OGDH: variants seen among roughly 807,000 people sequenced by gnomAD.
OGDH encodes the protein 2-oxoglutarate dehydrogenase complex component E1.
A neutral mutation model predicts 116.6 loss-of-function variants in OGDH; 38 were observed. That is an observed-to-expected ratio of 0.33 (90% CI 0.25 to 0.43). The LOEUF is 0.43. OGDH is among the 20% of genes least tolerant of loss of function. OGDH has a pLI of 1.00. For synonymous variants in OGDH, 488 were observed against 533.3 expected, an observed-to-expected ratio of 0.92 and a Z score of 1.17; for missense variants, 825 against 1,357.2, an observed-to-expected ratio of 0.61 and a Z score of 6.16.
At chr7:44,660,924 A>G (rs1786908956) in intron 4 of OGDH, among the ~76,000 whole-genome samples, 1 of 150,872 alleles carries the variant, frequency 6.6e-6, no homozygotes, top group Admixed American at 6.6e-5. Flanking sequence ...TCTGTAAACT[A>G]CACACACACG....
chr7:44,673,664 G>T, intron 5 of OGDH, 123 bp from the exon 6 acceptor site: 4 of 922,326 alleles, frequency 4.3e-6, no homozygotes, highest in South Asian at 1.5e-5. Flanking sequence ...CACTTGATTG[G>T]AGTACATTTC....
At chr7:44,671,097 G>C (rs1044445015) in intron 5 of OGDH, among the ~76,000 whole-genome samples, 3 of 151,878 alleles carry the variant, frequency 2.0e-5, no homozygotes. Context: ...AAAGTATAAA[G>C]GAATATCTGA....
chr7:44,637,534 G>A lies in OGDH; in HGVS notation c.223-7793G>A, dbSNP rs552336267. Among the ~76,000 whole-genome samples, 4 of 152,330 alleles carry A rather than the reference G, an allele frequency of 2.6e-5. No individual in the cohort carries two copies. In the South Asian group the frequency reaches 8.3e-4, roughly 32 times the overall value. The stretch of plus-strand genomic sequence containing the variant: ...AGAAATAATGGTATTCATTGGCTCA[G>A]CATCGTGCCTCACACCTGTAATCCC... On this transcript the variant is annotated intron_variant, in intron 2 of 22. Coordinates refer to ENST00000222673, the MANE Select transcript of OGDH (RefSeq NM_002541.4).
intron 1 of OGDH, among the ~76,000 whole-genome samples, chr7:44,608,960 A>G (rs945351878): frequency 6.6e-6 from 1 of 152,206 alleles, no homozygotes. Flanking sequence ...AGATATTGAC[A>G]TTAATAAAAT....
At chr7:44,639,387 G>A (rs964776337) in intron 2 of OGDH, among the ~76,000 whole-genome samples, 3 of 152,154 alleles carry the variant, frequency 2.0e-5, no homozygotes, top group Admixed American at 6.5e-5. Flanking sequence ...ACAGGGAGGG[G>A]TGGGGCCAGT....
At chr7:44,668,448 A>AC (rs1387601394) in intron 5 of OGDH, among the ~76,000 whole-genome samples, 1 of 152,006 alleles carries the variant, frequency 6.6e-6, no homozygotes, top group East Asian at 1.9e-4. Flanking sequence ...AAACAAACAA[A>AC]AAAAAACTGA....
intron 10 of OGDH, among the ~76,000 whole-genome samples, chr7:44,690,127 G>A (rs1470986605): frequency 6.6e-6 from 1 of 152,230 alleles, no homozygotes; most frequent in Non-Finnish European, 1.5e-5. Context: ...GCATCTAATG[G>A]ACAGAGTTAG....
chr7:44,640,056 A>T (rs892449918), intron 2 of OGDH, among the ~76,000 whole-genome samples: 13 of 152,238 alleles, frequency 8.5e-5, no homozygotes, highest in African/African-American at 2.9e-4. Flanking sequence ...TCCAGGGCCT[A>T]GGCTGGAAGG....
intron 4 of OGDH, among the ~76,000 whole-genome samples, chr7:44,663,864 C>T (rs1787059421): frequency 6.6e-6 from 1 of 151,834 alleles, no homozygotes. Flanking sequence ...CACCTGAGCC[C>T]TGGAGGTTAA....
chr7:44,637,200 G>C (rs952410502), intron 2 of OGDH, among the ~76,000 whole-genome samples: 2 of 152,180 alleles, frequency 1.3e-5, no homozygotes, highest in Non-Finnish European at 2.9e-5. Context: ...AGGTGCTCCT[G>C]TTGTCTATTC....
chr7:44,694,043 T>C lies in OGDH; in HGVS notation c.1515+39T>C. The C allele has an allele frequency of 6.3e-7, 1 of 1,578,154 alleles. No individual in the cohort carries two copies. Among genetic ancestry groups the C allele is most frequent in the East Asian group, 2.3e-5 (1 of 44,158 alleles). On this transcript the variant is annotated intron_variant, in intron 11 of 22. Transcript: ENST00000222673. The surrounding 1 kb of genome is among the most constrained non-coding windows in gnomAD (Gnocchi z 4.2). The stretch of plus-strand genomic sequence containing the variant: ...GGGACAGCACGTCCTGGGCAGAGCA[T>C]CTGACCCACCCCTCTTGCCCTCGGC...
At chr7:44,677,606 C>T (rs945062464) in intron 9 of OGDH, among the ~76,000 whole-genome samples, 3 of 152,082 alleles carry the variant, frequency 2.0e-5, no homozygotes, top group Admixed American at 6.5e-5. Context: ...CGGTGGCTCA[C>T]GCCTGTAATC....
chr7:44,694,623 A>G lies in OGDH; in HGVS notation c.1668+47A>G. On this transcript the variant is annotated intron_variant, in intron 12 of 22. Coordinates refer to ENST00000222673, the MANE Select transcript of OGDH (RefSeq NM_002541.4). This position sits in a 1 kb window ranked among gnomAD's most constrained non-coding sequence, Gnocchi z 4.2. ...CCAGTGCGCCTTTCCAGGGCTGGCGATGACTAGAAAAGGTGGGCCACAGGG... is the reference window on the plus strand; with the variant it reads ...CCAGTGCGCCTTTCCAGGGCTGGCGGTGACTAGAAAAGGTGGGCCACAGGG... 1 of 1,603,204 alleles carries G rather than the reference A, an allele frequency of 6.2e-7. No homozygotes were observed. The highest frequency in any genetic ancestry group is 8.5e-7 in the Non-Finnish European group (1 of 1,171,138).
chr7:44,673,717 C>T, intron 5 of OGDH, 70 bp from the exon 6 acceptor site: 4 of 1,471,720 alleles, frequency 2.7e-6, no homozygotes, highest in Admixed American at 1.7e-5. Context: ...GCTGAATGGG[C>T]AGTCGGCAGT....
At position 44,682,199 on chromosome 7, in the gene OGDH, G is replaced by C. The variant is rs866742284; in HGVS notation, c.1335+351G>C. ...CACCTGAGGTCAGGAGTTCAAGCCT[G>C]GCCAATGTGGTGAAACCCCGTCTCT... On this transcript the variant is annotated intron_variant, in intron 10 of 22. Transcript: ENST00000222673. Among the ~76,000 whole-genome samples the C allele has an allele frequency of 2.4e-4, 37 of 151,628 alleles. 1 individual carries two copies. The highest frequency in any genetic ancestry group is 8.5e-4 in the African/African-American group (35 of 41,296).
At chr7:44,651,187 C>G (rs956187894) in intron 4 of OGDH, among the ~76,000 whole-genome samples, 1 of 152,212 alleles carries the variant, frequency 6.6e-6, no homozygotes, top group African/African-American at 2.4e-5. Flanking sequence ...CCAGTTTGGT[C>G]TGCAGTGCAA....
intron 5 of OGDH, among the ~76,000 whole-genome samples, chr7:44,672,894 G>A (rs1787530411): frequency 1.3e-5 from 2 of 152,038 alleles, no homozygotes; most frequent in East Asian, 3.9e-4. Flanking sequence ...GCCTGCCTCA[G>A]CCTCCCAAAG....
chr7:44,663,973 G>C (rs987755975), intron 4 of OGDH, among the ~76,000 whole-genome samples: 1 of 151,912 alleles, frequency 6.6e-6, no homozygotes, highest in Non-Finnish European at 1.5e-5. Context: ...ATTGTTTGAT[G>C]ATGACTGTTC....
intron 1 of OGDH, among the ~76,000 whole-genome samples, chr7:44,610,899 C>T (rs981700111): frequency 2.0e-5 from 3 of 152,142 alleles, no homozygotes; most frequent in Non-Finnish European, 2.9e-5. Context: ...TGAGCCACCG[C>T]GCTCAGCCCC....
Sources: gnomAD v4.1 joint callset for allele counts (sites outside exome capture counted in the v4.1 genomes callset) on GRCh38, gnomAD v4.1.1 for gene constraint, Gnocchi (gnomAD v3.1) non-coding constraint, MANE v1.5 for transcripts, NCBI Gene and HGNC (gene_info 2026-07-23, HGNC 2026-07-21) for gene names.